Variants in PTPRD observed in about 807,000 individuals in gnomAD.
PTPRD encodes receptor-type tyrosine-protein phosphatase delta.
PTPRD carries 34 observed loss-of-function variants against 214.5 expected under a neutral mutation model. That is an observed-to-expected ratio of 0.16 (90% CI 0.12 to 0.21). PTPRD has a LOEUF of 0.21. Among genes scored for constraint, PTPRD ranks in the 10% least tolerant of loss-of-function variants. The probability of loss-of-function intolerance (pLI) is 1.00; values close to 1 mark genes in which losing one functional copy is unlikely to be tolerated. For synonymous variants in PTPRD, 1,128 were observed against 845.7 expected (o/e 1.33, Z -5.79); for missense variants, 2,545 against 2,398.7 (o/e 1.06, Z -1.27).
intron 2 of PTPRD, among the ~76,000 whole-genome samples, chr9:10,365,461 C>T (rs950247219): frequency 2.0e-5 from 3 of 152,168 alleles, no homozygotes; most frequent in African/African-American, 4.8e-5. Flanking sequence ...ATATTCCTGT[C>T]CATATTTTCA....
chr9:9,267,161 A>AATTATTATTT (rs1940264568), intron 9 of PTPRD, among the ~76,000 whole-genome samples: 2 of 151,314 alleles, frequency 1.3e-5, no homozygotes, highest in African/African-American at 4.8e-5. Context: ...GAATATGTAC[A>AATTATTATTT]ATTATTATTT....
chr9:8,658,534 T>TA (rs1269400840), intron 12 of PTPRD, among the ~76,000 whole-genome samples: 15 of 152,114 alleles, frequency 9.9e-5, no homozygotes, highest in Non-Finnish European at 2.2e-4. Context: ...TGTCTATTTT[T>TA]AAAAAATGAT....
In PTPRD at chr9:8,829,629, A is replaced by C. The variant is rs914802862; in HGVS notation, c.-103-95683T>G. Among the ~76,000 whole-genome samples the C allele has an allele frequency of 8.5e-5, 13 of 152,312 alleles. No homozygotes were observed. In the East Asian group the frequency reaches 9.6e-4, roughly 11 times the overall value. ...CTGACTTGCACACAGGTTGTTGTCC[A>C]GCACTTGACAGAGCATCAACTACCT... On this transcript the variant is annotated intron_variant, in intron 11 of 45. Transcript: ENST00000381196.
chr9:8,740,477 G>A (rs934486917), intron 11 of PTPRD, among the ~76,000 whole-genome samples: 1 of 152,284 alleles, frequency 6.6e-6, no homozygotes, highest in African/African-American at 2.4e-5. Context: ...ATTCTTAAAT[G>A]TATGCAGGGC....
chr9:8,479,933 T>G (rs1335769256), intron 30 of PTPRD, among the ~76,000 whole-genome samples: 1 of 152,186 alleles, frequency 6.6e-6, no homozygotes, highest in Non-Finnish European at 1.5e-5. Flanking sequence ...AGACTCAGAT[T>G]AGATATGATC....
intron 9 of PTPRD, among the ~76,000 whole-genome samples, chr9:9,195,627 A>T (rs541954516): frequency 1.3e-5 from 2 of 152,096 alleles, no homozygotes; most frequent in East Asian, 3.9e-4. Flanking sequence ...TTTCATTTGA[A>T]TGGAGCATTC....
At chr9:9,151,616 C>A (rs543277451) in intron 10 of PTPRD, among the ~76,000 whole-genome samples, 2 of 152,232 alleles carry the variant, frequency 1.3e-5, no homozygotes, top group South Asian at 2.1e-4. Flanking sequence ...TTTTTATTTT[C>A]TTTGAGAAAC....
intron 3 of PTPRD, among the ~76,000 whole-genome samples, chr9:10,140,042 C>T (rs2098972200): frequency 6.6e-6 from 1 of 151,922 alleles, no homozygotes; most frequent in Admixed American, 6.6e-5. Context: ...CAAGTGGGGC[C>T]TAACTAAATT....
chr9:9,867,823 A>C (rs1397377557), intron 5 of PTPRD, among the ~76,000 whole-genome samples: 1 of 152,194 alleles, frequency 6.6e-6, no homozygotes, highest in African/African-American at 2.4e-5. Flanking sequence ...CATGGCAACC[A>C]GTGAAGAAGA....
chr9:8,341,381 T>G (rs1852284872), intron 40 of PTPRD, 113 bp from the exon 41 acceptor site: 1 of 1,150,810 alleles, frequency 8.7e-7, no homozygotes, highest in Non-Finnish European at 1.2e-6. Context: ...TTTGTTTACT[T>G]AAAGTAAATG....
intron 11 of PTPRD, among the ~76,000 whole-genome samples, chr9:8,944,859 G>A (rs2099054273): frequency 2.0e-5 from 3 of 152,044 alleles, no homozygotes; most frequent in Admixed American, 6.6e-5. Context: ...TACAGTCAGC[G>A]ATAATTTGTT....
intron 10 of PTPRD, among the ~76,000 whole-genome samples, chr9:9,083,091 C>T (rs1423275146): frequency 1.3e-5 from 2 of 152,102 alleles, no homozygotes; most frequent in African/African-American, 4.8e-5. Context: ...CCTGTATAGT[C>T]AAGACAATCC....
intron 3 of PTPRD, among the ~76,000 whole-genome samples, chr9:10,218,890 C>G (rs974930717): frequency 6.6e-6 from 1 of 151,610 alleles, no homozygotes; most frequent in African/African-American, 2.4e-5. Flanking sequence ...GAACACAAGT[C>G]TTGAAGTTAA....
At chr9:9,947,532 T>TA (rs1566622322) in intron 4 of PTPRD, among the ~76,000 whole-genome samples, 1 of 21,176 alleles carries the variant, frequency 4.7e-5, no homozygotes, top group African/African-American at 2.6e-4. Context: ...TTATATATAT[T>TA]TTATATATAA....
chr9:10,025,024 C>A (rs571513264), intron 4 of PTPRD, among the ~76,000 whole-genome samples: 25 of 151,872 alleles, frequency 1.6e-4, no homozygotes, highest in African/African-American at 5.1e-4. Flanking sequence ...TTAATCCAGT[C>A]TATCATTGTT....
At chr9:10,325,387 G>C (rs74642886) in intron 3 of PTPRD, among the ~76,000 whole-genome samples, 6,784 of 151,816 alleles carry the variant, frequency 0.045, 489 homozygotes, top group African/African-American at 0.16. Context: ...TTGTTTTTTG[G>C]GGAAGATGAA....
At chr9:8,414,572 T>C (rs931859866) in intron 35 of PTPRD, among the ~76,000 whole-genome samples, 3 of 151,968 alleles carry the variant, frequency 2.0e-5, no homozygotes, top group East Asian at 1.9e-4. Flanking sequence ...ATGGAAGGAA[T>C]GTGATCAGAT....
At chr9:10,278,895 C>T (rs2094906614) in intron 3 of PTPRD, among the ~76,000 whole-genome samples, 1 of 152,106 alleles carries the variant, frequency 6.6e-6, no homozygotes, top group Admixed American at 6.5e-5. Context: ...CTGCCTCAGC[C>T]TCCCGAGTAG....
chr9:10,064,958 T>G (rs1290490114), intron 3 of PTPRD, among the ~76,000 whole-genome samples: 1 of 151,940 alleles, frequency 6.6e-6, no homozygotes, highest in African/African-American at 2.4e-5. Flanking sequence ...TTCCTAAAAT[T>G]TCCAGTCTAT....
Sources: allele counts gnomAD v4.1 joint callset (sites outside exome capture counted in the v4.1 genomes callset), GRCh38; gene constraint gnomAD v4.1.1; transcripts MANE v1.5; gene names NCBI Gene and HGNC (gene_info 2026-07-23, HGNC 2026-07-21).